SND1: variants seen among roughly 807,000 people sequenced by gnomAD.
The protein encoded by SND1 is staphylococcal nuclease and tudor domain containing 1.
Under a neutral mutation model 121.7 loss-of-function variants are expected in SND1, and 38 were observed. That is an observed-to-expected ratio of 0.31 (90% CI 0.24 to 0.41). The LOEUF is 0.41. SND1 is among the 10% of genes least tolerant of loss of function. SND1 has a pLI of 1.00. For missense variants in SND1, 868 were observed against 1,184.6 expected (o/e 0.73, Z 3.92); for synonymous variants, 401 against 447.4 (o/e 0.90, Z 1.31).
chr7:127,693,180 C>G (rs1170422529), intron 2 of SND1, among the ~76,000 whole-genome samples: 1 of 151,980 alleles, frequency 6.6e-6, no homozygotes. Context: ...TTCATTGGTT[C>G]GGTGCTGTTT....
intron 22 of SND1, 48 bp downstream of exon 22, chr7:128,089,740 A>G: frequency 6.5e-7 from 1 of 1,535,916 alleles, no homozygotes; most frequent in African/African-American, 1.4e-5. Context: ...CCACCCTCAC[A>G]GAGAAAGGGA....
At chr7:127,818,589 G>GGAA (rs1798491122) in intron 11 of SND1, among the ~76,000 whole-genome samples, 2 of 152,136 alleles carry the variant, frequency 1.3e-5, no homozygotes, top group Admixed American at 1.3e-4. Flanking sequence ...CAAATGAGTT[G>GGAA]GAAGTCAGTA....
At chr7:127,988,107 TGTAA>T (rs1304879053) in intron 15 of SND1, among the ~76,000 whole-genome samples, 1 of 152,214 alleles carries the variant, frequency 6.6e-6, no homozygotes, top group Non-Finnish European at 1.5e-5. Context: ...TGTACCCATA[TGTAA>T]GTGTGTATGT....
chr7:127,713,563 C>CTTTTTTA (rs1796332745), intron 9 of SND1, among the ~76,000 whole-genome samples: 1 of 152,164 alleles, frequency 6.6e-6, no homozygotes, highest in Non-Finnish European at 1.5e-5. Context: ...TCAACAATCA[C>CTTTTTTA]CCTGTTTTTT....
At chr7:127,977,635 G>C (rs1430233060) in intron 15 of SND1, among the ~76,000 whole-genome samples, 1 of 152,164 alleles carries the variant, frequency 6.6e-6, no homozygotes, top group East Asian at 1.9e-4. Flanking sequence ...ATGGTATAAA[G>C]TATAAAGAAT....
intron 13 of SND1, among the ~76,000 whole-genome samples, chr7:127,895,902 T>C (rs541570337): frequency 6.6e-6 from 1 of 152,190 alleles, no homozygotes; most frequent in African/African-American, 2.4e-5. Flanking sequence ...CCACCCCTAG[T>C]TCCTTCTGAC....
At chr7:127,703,114 C>G in intron 6 of SND1, 51 bp from the exon 7 acceptor site, 1 of 1,598,150 alleles carries the variant, frequency 6.3e-7, no homozygotes, top group Non-Finnish European at 8.6e-7. Flanking sequence ...GCGAGAGTGC[C>G]TAGCACTCAC....
chr7:127,880,033 T>C (rs187577435), intron 12 of SND1, among the ~76,000 whole-genome samples: 29 of 152,304 alleles, frequency 1.9e-4, no homozygotes, highest in South Asian at 8.3e-4. Flanking sequence ...AAATATTAAA[T>C]GGAAAATCCT....
intron 16 of SND1, among the ~76,000 whole-genome samples, chr7:128,035,583 C>T (rs1792733433): frequency 6.6e-6 from 1 of 152,244 alleles, no homozygotes; most frequent in Non-Finnish European, 1.5e-5. Context: ...GTATCAGAGT[C>T]TGTCCTTTTT....
At chr7:127,782,447 A>G (rs2116522039) in intron 10 of SND1, among the ~76,000 whole-genome samples, 1 of 152,300 alleles carries the variant, frequency 6.6e-6, no homozygotes, top group East Asian at 1.9e-4. Context: ...TTTCATGTTA[A>G]GGCATCATTA....
intron 15 of SND1, among the ~76,000 whole-genome samples, chr7:127,954,163 C>T (rs1038417019): frequency 6.6e-5 from 10 of 152,156 alleles, no homozygotes; most frequent in Non-Finnish European, 1.5e-4. Flanking sequence ...TCCTTCCTTC[C>T]CCCCTTACTC....
At chr7:128,011,980 C>G (rs1440328758) in intron 16 of SND1, among the ~76,000 whole-genome samples, 1 of 152,008 alleles carries the variant, frequency 6.6e-6, no homozygotes, top group Non-Finnish European at 1.5e-5. Context: ...TTTTTCACAT[C>G]AGAAAAGGGT....
chr7:127,695,238 T>A (rs1022362175), intron 3 of SND1, among the ~76,000 whole-genome samples: 1 of 152,252 alleles, frequency 6.6e-6, no homozygotes, highest in African/African-American at 2.4e-5. Flanking sequence ...TGGAACTCAA[T>A]GGCTCTGTGC....
At chr7:127,983,095 G>A (rs1802304411) in intron 15 of SND1, among the ~76,000 whole-genome samples, 1 of 152,182 alleles carries the variant, frequency 6.6e-6, no homozygotes, top group Admixed American at 6.5e-5. Flanking sequence ...GCTTTTCTCA[G>A]CCTTTATACG....
chr7:128,000,127 G>A (rs1485599510), intron 16 of SND1: 2 of 146,598 alleles, frequency 1.4e-5, no homozygotes, highest in African/African-American at 5.1e-5. Context: ...TAATAACAAA[G>A]GGCTGAAGAA....
intron 12 of SND1, among the ~76,000 whole-genome samples, chr7:127,882,406 C>T (rs968159606): frequency 2.5e-5 from 2 of 79,634 alleles, no homozygotes; most frequent in African/African-American, 1.0e-4. Context: ...GAGGGAGGGA[C>T]GGAGGAGAAA....
intron 10 of SND1, among the ~76,000 whole-genome samples, chr7:127,758,688 G>A (rs554610031): frequency 1.3e-5 from 2 of 152,218 alleles, no homozygotes; most frequent in South Asian, 4.1e-4. Flanking sequence ...AAACTAATAT[G>A]TAATCCATTT....
intron 10 of SND1, among the ~76,000 whole-genome samples, chr7:127,773,874 G>T (rs532459214): frequency 1.6e-4 from 25 of 152,240 alleles, no homozygotes; most frequent in Admixed American, 5.9e-4. Flanking sequence ...GATTACATTG[G>T]AGCTGAAAAA....
chr7:128,034,407 G>A (rs555517197), intron 16 of SND1, among the ~76,000 whole-genome samples: 11 of 152,254 alleles, frequency 7.2e-5, no homozygotes, highest in African/African-American at 1.7e-4. Context: ...AGCTGGCACC[G>A]ACCTAGTAGA....
Sources: gnomAD v4.1 joint callset for allele counts (sites outside exome capture counted in the v4.1 genomes callset) on GRCh38, gnomAD v4.1.1 for gene constraint, MANE v1.5 for transcripts, NCBI Gene and HGNC (gene_info 2026-07-23, HGNC 2026-07-21) for gene names.